PIK3C3: variants seen among roughly 807,000 people sequenced by gnomAD.
The protein encoded by PIK3C3 is phosphatidylinositol 3-kinase catalytic subunit type 3, also known as PI3-kinase type 3.
Under a neutral mutation model 126.1 loss-of-function variants are expected in PIK3C3, and 95 were observed. The observed-to-expected ratio is 0.75, with a 90% CI of 0.64 to 0.89. The LOEUF (loss-of-function observed/expected upper bound fraction) is 0.89, where lower values mean the gene tolerates loss of function less well. Ranked by LOEUF, PIK3C3 falls within the 40% of genes least tolerant of loss-of-function variation. The probability of loss-of-function intolerance (pLI) is 0.00; values close to 1 mark genes in which losing one functional copy is unlikely to be tolerated. For missense variants in PIK3C3, 829 were observed against 1,063.2 expected (o/e 0.78, Z 3.06); for synonymous variants, 374 against 360.0 (o/e 1.04, Z -0.44).
chr18:42,068,171 C>T (rs1985620061), intron 24 of PIK3C3, among the ~76,000 whole-genome samples: 1 of 152,096 alleles, frequency 6.6e-6, no homozygotes, highest in South Asian at 2.1e-4. Flanking sequence ...TTGAATTTTC[C>T]CTCAGCCAGT....
At chr18:42,026,230 C>T (rs1983560884) in intron 13 of PIK3C3, 1 of 152,150 alleles carries the variant, frequency 6.6e-6, no homozygotes, top group Admixed American at 6.5e-5. Flanking sequence ...CTAAGTTTCA[C>T]TATTGATGAA....
chr18:42,062,086 A>G (rs557094381), intron 22 of PIK3C3, among the ~76,000 whole-genome samples: 2 of 152,262 alleles, frequency 1.3e-5, no homozygotes, highest in South Asian at 4.2e-4. Flanking sequence ...GCCAAGTTGG[A>G]GAACTTCTAA....
At chr18:42,003,886 G>A (rs1232442781) in intron 9 of PIK3C3, among the ~76,000 whole-genome samples, 2 of 152,146 alleles carry the variant, frequency 1.3e-5, no homozygotes, top group Non-Finnish European at 2.9e-5. Flanking sequence ...TGCGAAAGCC[G>A]GTGGTCATAC....
intron 7 of PIK3C3, among the ~76,000 whole-genome samples, chr18:41,995,489 A>G (rs1346002103): frequency 6.6e-6 from 1 of 152,144 alleles, no homozygotes; most frequent in Non-Finnish European, 1.5e-5. Context: ...AGCTTAAATA[A>G]CTGCTAAGAT....
At chr18:42,060,830 A>G (rs971932851) in intron 22 of PIK3C3, among the ~76,000 whole-genome samples, 1 of 152,134 alleles carries the variant, frequency 6.6e-6, no homozygotes, top group Non-Finnish European at 1.5e-5. Flanking sequence ...TAAGGTTCTC[A>G]TATTGTCTCA....
chr18:41,976,830 C>G (rs1023240199), intron 4 of PIK3C3, among the ~76,000 whole-genome samples: 1 of 152,150 alleles, frequency 6.6e-6, no homozygotes, highest in Non-Finnish European at 1.5e-5. Context: ...TTTTTAAATT[C>G]ATGAAAAGAT....
chr18:42,065,958 A>G (rs1316880544), intron 23 of PIK3C3, among the ~76,000 whole-genome samples: 1 of 152,212 alleles, frequency 6.6e-6, no homozygotes, highest in Non-Finnish European at 1.5e-5. Flanking sequence ...GCACTTATGT[A>G]AGTATGCAAG....
Position 42,076,132 on chromosome 18 carries a change from A to G in PIK3C3, c.2650-4991A>G, listed in dbSNP as rs1391667203. Among the ~76,000 whole-genome samples, 24 of 87,070 alleles carry G rather than the reference A, an allele frequency of 2.8e-4. 1 individual carries two copies. The highest frequency in any genetic ancestry group is 1.7e-3 in the African/African-American group (21 of 12,450). 57.1% of individuals were successfully genotyped at this position (87,070 alleles called of 152,430 possible). On this transcript the variant is annotated intron_variant, in intron 24 of 24. Coordinates refer to ENST00000262039, the MANE Select transcript of PIK3C3 (RefSeq NM_002647.4). Reference sequence around the variant, plus strand: ...TATATATATATATATGCGCATATATATATATATATATGCGCATATATATAT... The same window carrying G: ...TATATATATATATATGCGCATATATGTATATATATATGCGCATATATATAT...
intron 9 of PIK3C3, among the ~76,000 whole-genome samples, chr18:42,003,330 C>A (rs1982382491): frequency 6.6e-6 from 1 of 152,118 alleles, no homozygotes; most frequent in South Asian, 2.1e-4. Flanking sequence ...CAAATAGCAA[C>A]AGAGGAAGAC....
rs544009970 is a variant in PIK3C3, at chr18:41,994,479, T to C, written c.786+1138T>C. Reference sequence around the variant, plus strand: ...GTGGGACTGAGATGATATACAGCTGTATCTGACAATAAAACAGACTATAAT... The same window carrying C: ...GTGGGACTGAGATGATATACAGCTGCATCTGACAATAAAACAGACTATAAT... On this transcript the variant is annotated intron_variant, in intron 7 of 24. Coordinates refer to ENST00000262039, the MANE Select transcript of PIK3C3 (RefSeq NM_002647.4). 3.9e-5 allele frequency among the ~76,000 whole-genome samples: 6 copies of C among 152,266 alleles called. No individual in the cohort carries two copies. The East Asian group carries it at 1.2e-3, about 29-fold the overall frequency.
chr18:41,966,913 T>G (rs1217702324), intron 3 of PIK3C3, among the ~76,000 whole-genome samples: 1 of 152,208 alleles, frequency 6.6e-6, no homozygotes, highest in East Asian at 1.9e-4. Context: ...AATATAGGTC[T>G]AAGATATTTT....
chr18:42,056,916 C>G (rs1305577543), intron 21 of PIK3C3, among the ~76,000 whole-genome samples: 2 of 151,964 alleles, frequency 1.3e-5, no homozygotes, highest in African/African-American at 4.8e-5. Flanking sequence ...TATGGACTTT[C>G]CTTGGGAATC....
intron 7 of PIK3C3, 42 bp downstream of exon 7, chr18:41,993,383 A>G: frequency 7.6e-7 from 1 of 1,317,088 alleles, no homozygotes; most frequent in Non-Finnish European, 1.1e-6. Flanking sequence ...ACTTTTCTTC[A>G]GAGTAATTGT....
intron 21 of PIK3C3, among the ~76,000 whole-genome samples, chr18:42,057,058 ACC>A (rs34303564): frequency 1.6e-4 from 17 of 107,720 alleles, no homozygotes; most frequent in African/African-American, 5.5e-4. Context: ...ATAGAAATGA[ACC>A]CCCCCCCCCG....
chr18:41,996,658 A>G lies in PIK3C3; in HGVS notation c.912A>G (p.Pro304=). The G allele has an allele frequency of 6.4e-7, 1 of 1,573,056 alleles. No homozygotes were observed. The highest frequency in any genetic ancestry group is 8.6e-7 in the Non-Finnish European group (1 of 1,157,212). The change falls in exon 9 of 25, where the codon CCA becomes CCG. Residue 304 remains proline (P), a synonymous_variant. Transcript: ENST00000262039. ...DQLNIIVSYP[P]TKQLTYEEQD... Reference sequence around the variant, plus strand: ...TTTAGATTATTGTGAGTTATCCACCAACCAAGCAACTTACATATGAAGAAC... The same window carrying G: ...TTTAGATTATTGTGAGTTATCCACCGACCAAGCAACTTACATATGAAGAAC...
At chr18:41,971,406 G>A (rs544356521) in intron 4 of PIK3C3, 3 of 152,134 alleles carry the variant, frequency 2.0e-5, no homozygotes, top group Non-Finnish European at 4.4e-5. Context: ...TTTTTGTCAA[G>A]TTCATTTTGT....
chr18:42,060,242 A>G (rs1985255605), intron 22 of PIK3C3, among the ~76,000 whole-genome samples: 1 of 152,194 alleles, frequency 6.6e-6, no homozygotes, highest in Non-Finnish European at 1.5e-5. Flanking sequence ...TTTCTTGATA[A>G]TTGATCAGTT....
intron 4 of PIK3C3, among the ~76,000 whole-genome samples, chr18:41,974,707 T>C (rs1980829172): frequency 6.6e-6 from 1 of 152,158 alleles, no homozygotes; most frequent in Admixed American, 6.5e-5. Context: ...GACCCAGGCT[T>C]TTGGTGGCTG....
At chr18:41,958,556 C>G (rs1979910600) in intron 2 of PIK3C3, among the ~76,000 whole-genome samples, 1 of 152,172 alleles carries the variant, frequency 6.6e-6, no homozygotes. Context: ...GGTTTTCAAA[C>G]AGCAGAAGCC....
Sources: allele counts gnomAD v4.1 joint callset (sites outside exome capture counted in the v4.1 genomes callset), GRCh38; gene constraint gnomAD v4.1.1; transcripts MANE v1.5; gene names NCBI Gene and HGNC (gene_info 2026-07-23, HGNC 2026-07-21).